DMD: variants seen among roughly 807,000 people sequenced by gnomAD.
The protein encoded by DMD is mutant dystrophin.
DMD carries 63 observed loss-of-function variants against 330.1 expected under a neutral mutation model. That is an observed-to-expected ratio of 0.19 (90% confidence interval 0.16 to 0.24). The LOEUF (loss-of-function observed/expected upper bound fraction) is 0.24, where lower values mean the gene tolerates loss of function less well. Ranked by LOEUF, DMD falls within the 10% of genes least tolerant of loss-of-function variation. The pLI is 1.00. For missense variants in DMD, 3,344 were observed against 2,684.1 expected (o/e 1.25, Z -5.43); for synonymous variants, 1,223 against 959.8 (o/e 1.27, Z -5.07).
chrX:31,212,796 G>C (rs902905712), intron 64 of DMD, among the ~76,000 whole-genome samples: 2 of 111,502 alleles, frequency 1.8e-5, no homozygotes, highest in Non-Finnish European at 3.8e-5. Flanking sequence ...AGGGGGAAAA[G>C]TGGGTGGCAG....
chrX:32,715,425 C>T (rs956046623), intron 7 of DMD, among the ~76,000 whole-genome samples: 6 of 90,805 alleles, frequency 6.6e-5, no homozygotes, highest in African/African-American at 2.3e-4. Flanking sequence ...TGCAGTGAGC[C>T]GAGATTGTGC....
intron 55 of DMD, among the ~76,000 whole-genome samples, chrX:31,566,546 T>C (rs1763019581): frequency 8.9e-6 from 1 of 111,964 alleles, no homozygotes; most frequent in Non-Finnish European, 1.9e-5. Context: ...TCCCACTTTA[T>C]TTACCTTTTT....
chrX:31,869,809 T>C (rs753395367), intron 48 of DMD, among the ~76,000 whole-genome samples: 1 of 111,118 alleles, frequency 9.0e-6, no homozygotes, highest in Non-Finnish European at 1.9e-5. Context: ...ACCTCTTCCG[T>C]GCCATGCTCC....
intron 67 of DMD, among the ~76,000 whole-genome samples, chrX:31,196,477 ACC>A (rs1445777144): frequency 9.0e-6 from 1 of 111,233 alleles, no homozygotes; most frequent in Admixed American, 9.6e-5. Context: ...GCCAAAGGAA[ACC>A]TAAGTGAAGG....
At chrX:31,781,321 G>C (rs5971596) in intron 50 of DMD, among the ~76,000 whole-genome samples, 1 of 111,558 alleles carries the variant, frequency 9.0e-6, no homozygotes, top group Admixed American at 9.5e-5. Flanking sequence ...TAGGACATCA[G>C]GTATCTTTCT....
chrX:32,801,199 T>A (rs1419799382), intron 7 of DMD, among the ~76,000 whole-genome samples: 1 of 111,688 alleles, frequency 9.0e-6, no homozygotes, highest in Non-Finnish European at 1.9e-5. Context: ...GTTTCCTGAC[T>A]TTTTGATGAT....
chrX:31,884,935 T>C (rs1440873602), intron 47 of DMD, among the ~76,000 whole-genome samples: 3 of 111,511 alleles, frequency 2.7e-5, no homozygotes, highest in African/African-American at 6.5e-5. Flanking sequence ...CTTTTCAAAG[T>C]TACCACTCAG....
At position 32,816,960 on chromosome X, in the gene DMD, T is replaced by C. The variant is rs772851793; in HGVS notation, c.358-320A>G. Among the ~76,000 whole-genome samples the C allele has an allele frequency of 4.6e-4, 52 of 112,335 alleles. 1 individual carries two copies. The South Asian group carries it at 0.019, about 41-fold the overall frequency. On this transcript the variant is annotated intron_variant, in intron 5 of 78. Coordinates refer to ENST00000357033, the MANE Select transcript of DMD (RefSeq NM_004006.3). ...AATGAACAAGCTAGAGAAGACAGTG[T>C]ATAAAACATTAGACTTATTGTTAAC...
intron 44 of DMD, among the ~76,000 whole-genome samples, chrX:32,078,118 T>C (rs1409107424): frequency 9.0e-6 from 1 of 111,698 alleles, no homozygotes; most frequent in Non-Finnish European, 1.9e-5. Flanking sequence ...CTAATAAGCA[T>C]CCCCAAACTA....
chrX:32,618,606 C>T (rs1241335933), intron 11 of DMD, among the ~76,000 whole-genome samples: 1 of 110,831 alleles, frequency 9.0e-6, no homozygotes, highest in Admixed American at 9.7e-5. Flanking sequence ...AATAAACTTC[C>T]ATGACACAAG....
At chrX:32,638,708 A>G (rs1252887247) in intron 11 of DMD, among the ~76,000 whole-genome samples, 1 of 111,990 alleles carries the variant, frequency 8.9e-6, no homozygotes, top group Non-Finnish European at 1.9e-5. Context: ...ACTGCAACGA[A>G]TTCAATTCCA....
intron 11 of DMD, among the ~76,000 whole-genome samples, chrX:32,634,412 C>T (rs2058948450): frequency 8.9e-6 from 1 of 112,089 alleles, no homozygotes; most frequent in Non-Finnish European, 1.9e-5. Flanking sequence ...GATTCTCTCC[C>T]TGTAGCCACC....
At chrX:31,300,290 A>G (rs2054546867) in intron 62 of DMD, among the ~76,000 whole-genome samples, 1 of 112,467 alleles carries the variant, frequency 8.9e-6, no homozygotes, top group African/African-American at 3.2e-5. Flanking sequence ...ATCTTCCTAC[A>G]GAAGTTCCAA....
At chrX:32,778,684 C>T (rs868418905) in intron 7 of DMD, among the ~76,000 whole-genome samples, 3 of 111,401 alleles carry the variant, frequency 2.7e-5, no homozygotes, top group Middle Eastern at 4.6e-3. Flanking sequence ...CCCTGGTCTT[C>T]CTCCATTCTT....
chrX:33,026,727 C>T (rs1020848844), intron 1 of DMD, among the ~76,000 whole-genome samples: 1 of 111,607 alleles, frequency 9.0e-6, no homozygotes, highest in Admixed American at 9.5e-5. Flanking sequence ...AACTTCTGCA[C>T]GAAGAACAGA....
chrX:32,637,078 T>C (rs958577216), intron 11 of DMD, among the ~76,000 whole-genome samples: 5 of 111,807 alleles, frequency 4.5e-5, no homozygotes, highest in East Asian at 2.8e-4. Flanking sequence ...CCTGATTAAA[T>C]GCTTTTAAAG....
intron 7 of DMD, among the ~76,000 whole-genome samples, chrX:32,742,083 A>G (rs1439608954): frequency 9.0e-6 from 1 of 111,291 alleles, no homozygotes; most frequent in Non-Finnish European, 1.9e-5. Flanking sequence ...GCCCTTGACT[A>G]TGGTGCCGTA....
At chrX:32,382,273 TACC>T (rs886406489) in intron 33 of DMD, among the ~76,000 whole-genome samples, 6 of 111,561 alleles carry the variant, frequency 5.4e-5, no homozygotes, top group African/African-American at 1.6e-4. Context: ...GTTAAAACAA[TACC>T]ACCACCACAA....
rs377043643 is a variant in DMD at position 32,411,780 on chromosome X, T to C, written c.4205A>G (p.Asp1402Gly). 4.1e-6 allele frequency: 5 copies of C among 1,209,504 alleles called. No individual in the cohort carries two copies. The African/African-American group carries it at 7.0e-5, about 17-fold the overall frequency. Residue 1402 changes from aspartate (D) to glycine (G), a missense_variant, in exon 30 of 79, where the codon GAC becomes GGC. Transcript: ENST00000357033. ...QLAAYIADKV[D>G]AAQMPQEAQK... is the part of the protein sequence containing the mutation. ...GGCTTCCTGAGGCATTTGAGCTGCG[T>C]CCACCTTGTCTGCAATATAAGCTGC...
Sources: gnomAD v4.1 joint callset for allele counts (sites outside exome capture counted in the v4.1 genomes callset) on GRCh38, gnomAD v4.1.1 for gene constraint, MANE v1.5 for transcripts, NCBI Gene and HGNC (gene_info 2026-07-23, HGNC 2026-07-21) for gene names.